CRADD: variants seen among roughly 807,000 people sequenced by gnomAD.
The protein encoded by CRADD is CARD and death domain containing adaptor protein.
CRADD carries 9 observed loss-of-function variants against 15.5 expected under a neutral mutation model. The observed-to-expected ratio is 0.58, with a 90% CI of 0.35 to 1.01. The LOEUF (loss-of-function observed/expected upper bound fraction) is 1.01, where lower values mean the gene tolerates loss of function less well. Ranked by LOEUF, CRADD falls within the 50% of genes least tolerant of loss-of-function variation. The pLI, the probability that CRADD is intolerant of heterozygous loss-of-function variation, is 0.02. For synonymous variants in CRADD, 118 were observed against 107.6 expected (o/e 1.10, Z -0.60); for missense variants, 227 against 250.3 (o/e 0.91, Z 0.63).
chr12:93,763,452 CTT>C (rs201824419), intron 2 of CRADD, among the ~76,000 whole-genome samples: 2 of 146,874 alleles, frequency 1.4e-5, no homozygotes, highest in Non-Finnish European at 3.0e-5. Flanking sequence ...ATATTTTCTT[CTT>C]TTTTTTTTTC....
intron 2 of CRADD, among the ~76,000 whole-genome samples, chr12:93,762,078 A>C (rs1956972145): frequency 6.6e-6 from 1 of 152,256 alleles, no homozygotes; most frequent in Admixed American, 6.5e-5. Context: ...CAATAAGCTT[A>C]AAATAAATTT....
chr12:93,774,896 G>T (rs1407717680), intron 2 of CRADD, among the ~76,000 whole-genome samples: 1 of 152,162 alleles, frequency 6.6e-6, no homozygotes, highest in African/African-American at 2.4e-5. Context: ...AGGTGGAAGG[G>T]ACCAGCTGCT....
At chr12:93,819,700 G>A (rs1957747502) in intron 2 of CRADD, among the ~76,000 whole-genome samples, 1 of 152,232 alleles carries the variant, frequency 6.6e-6, no homozygotes, top group Non-Finnish European at 1.5e-5. Flanking sequence ...CACTATAGAA[G>A]TACTTGTTAC....
chr12:93,852,068 C>G (rs1202923048), downstream of CRADD, among the ~76,000 whole-genome samples: 1 of 152,202 alleles, frequency 6.6e-6, no homozygotes, highest in Non-Finnish European at 1.5e-5. Context: ...AATTCATTAT[C>G]TTATAAAATT....
At chr12:93,749,063 G>T (rs928936462) in intron 2 of CRADD, among the ~76,000 whole-genome samples, 5 of 152,198 alleles carry the variant, frequency 3.3e-5, no homozygotes, top group Non-Finnish European at 7.3e-5. Flanking sequence ...CTATTCTGGG[G>T]ACATGATGGT....
intron 2 of CRADD, among the ~76,000 whole-genome samples, chr12:93,695,984 A>G (rs1307472582): frequency 6.6e-6 from 1 of 152,260 alleles, no homozygotes; most frequent in Non-Finnish European, 1.5e-5. Context: ...ATATGAAAAA[A>G]TGATCAACAT....
At chr12:93,685,069 G>C (rs1231940766) in intron 2 of CRADD, among the ~76,000 whole-genome samples, 1 of 152,140 alleles carries the variant, frequency 6.6e-6, no homozygotes, top group African/African-American at 2.4e-5. Context: ...TTCTATTTCT[G>C]TTTCAGTTCG....
intron 2 of CRADD, among the ~76,000 whole-genome samples, chr12:93,846,290 A>G (rs1478464203): frequency 2.0e-5 from 3 of 152,192 alleles, no homozygotes; most frequent in African/African-American, 7.2e-5. Flanking sequence ...TTTTGAGTAT[A>G]TACCCAGAAG....
rs1958291517 is a variant in CRADD at position 93,858,348 on chromosome 12, G to A, written c.299-35702G>A. Among the ~76,000 whole-genome samples the A allele has an allele frequency of 2.6e-5, 4 of 152,218 alleles. No individual in the cohort carries two copies. In the South Asian group the frequency reaches 8.3e-4, roughly 31 times the overall value. On this transcript the variant is annotated intron_variant, in intron 2 of 2. Coordinates refer to the CRADD transcript ENST00000548483. ...GAGAGTCTTATGGGAGCATGACGAAGGACGGAGGTGGGTCTTACTTCAGAG... is the reference window on the plus strand; with the variant it reads ...GAGAGTCTTATGGGAGCATGACGAAAGACGGAGGTGGGTCTTACTTCAGAG...
intron 2 of CRADD, among the ~76,000 whole-genome samples, chr12:93,833,848 G>A (rs1202419758): frequency 6.6e-6 from 1 of 151,272 alleles, no homozygotes; most frequent in East Asian, 1.9e-4. Context: ...ATGTTTTTGT[G>A]GTAGGCACTG....
chr12:93,750,404 A>G (rs10437856), intron 2 of CRADD, among the ~76,000 whole-genome samples: 4,557 of 152,340 alleles, frequency 0.03, 219 homozygotes, highest in African/African-American at 0.1. Context: ...ACTTCATTTT[A>G]GATGTTAACT....
chr12:93,799,312 A>G (rs1022558191), intron 2 of CRADD, among the ~76,000 whole-genome samples: 1 of 152,196 alleles, frequency 6.6e-6, no homozygotes, highest in African/African-American at 2.4e-5. Flanking sequence ...TGCAAATCTC[A>G]GTCACCTACA....
At chr12:93,699,062 C>T (rs999115926) in intron 2 of CRADD, among the ~76,000 whole-genome samples, 1 of 152,054 alleles carries the variant, frequency 6.6e-6, no homozygotes, top group African/African-American at 2.4e-5. Flanking sequence ...TGTGGCTTTT[C>T]CCAAAAAAGC....
chr12:93,882,598 T>G (rs1018611953), intron 2 of CRADD, among the ~76,000 whole-genome samples: 2 of 152,150 alleles, frequency 1.3e-5, no homozygotes, highest in African/African-American at 4.8e-5. Context: ...ATAATGTCTA[T>G]TTATACCTCT....
intron 2 of CRADD, among the ~76,000 whole-genome samples, chr12:93,831,680 G>A (rs1055843337): frequency 1.1e-4 from 17 of 152,244 alleles, no homozygotes; most frequent in African/African-American, 3.6e-4. Context: ...GAAAGATACA[G>A]CTCTCATCTT....
chr12:93,864,082 A>G (rs1043986014), intron 2 of CRADD, among the ~76,000 whole-genome samples: 2 of 152,170 alleles, frequency 1.3e-5, no homozygotes, highest in Non-Finnish European at 2.9e-5. Flanking sequence ...ACTGTTATAT[A>G]GAGACAAGGT....
At chr12:93,803,543 T>TA (rs1020078392) in intron 2 of CRADD, among the ~76,000 whole-genome samples, 1 of 151,946 alleles carries the variant, frequency 6.6e-6, no homozygotes, top group African/African-American at 2.4e-5. Flanking sequence ...TAAGCGTCTT[T>TA]AAAAAAAACT....
At chr12:93,699,754 C>T (rs1262434951) in intron 2 of CRADD, among the ~76,000 whole-genome samples, 1 of 152,136 alleles carries the variant, frequency 6.6e-6, no homozygotes, top group Non-Finnish European at 1.5e-5. Flanking sequence ...ATTAGGTTCT[C>T]AATCCCCTAA....
At chr12:93,886,182 T>TA (rs1565948897) in intron 2 of CRADD, among the ~76,000 whole-genome samples, 2 of 149,350 alleles carry the variant, frequency 1.3e-5, no homozygotes, top group African/African-American at 4.9e-5. Context: ...TTTTTTTTTT[T>TA]GAGACAGAAT....
Sources: allele counts gnomAD v4.1 joint callset (sites outside exome capture counted in the v4.1 genomes callset), GRCh38; gene constraint gnomAD v4.1.1; transcripts MANE v1.5; gene names NCBI Gene and HGNC (gene_info 2026-07-23, HGNC 2026-07-21).